The following PID1 variants were observed in gnomAD, a reference collection of about 807,000 sequenced individuals.
PID1 encodes PTB-containing, cubilin and LRP1-interacting protein.
In PID1, 10 loss-of-function variants were observed where a neutral mutation model predicts 19.1. The ratio of observed to expected loss-of-function variants is 0.52; its 90% CI spans 0.32 to 0.89. PID1 has a LOEUF of 0.89. Among genes scored for constraint, PID1 ranks in the 40% least tolerant of loss-of-function variants. PID1 has a pLI of 0.03. For synonymous variants in PID1, 130 were observed against 116.0 expected, an observed-to-expected ratio of 1.12 and a Z score of -0.78; for missense variants, 248 against 285.3, an observed-to-expected ratio of 0.87 and a Z score of 0.94.
chr2:229,086,503 A>C (rs1468852318), intron 2 of PID1, among the ~76,000 whole-genome samples: 1 of 152,210 alleles, frequency 6.6e-6, no homozygotes, highest in Non-Finnish European at 1.5e-5. Context: ...AAGTCAAAAA[A>C]TCATAAGTCA....
In PID1 at chr2:229,043,811, G is replaced by A. The variant is rs570428451; in HGVS notation, c.178-17703C>T. 3.9e-5 allele frequency among the ~76,000 whole-genome samples: 6 copies of A among 152,300 alleles called. No individual in the cohort carries two copies. The South Asian group carries it at 1.2e-3, about 32-fold the overall frequency. On this transcript the variant is annotated intron_variant, in intron 2 of 2. Coordinates refer to ENST00000392055, the MANE Select transcript of PID1 (RefSeq NM_001100818.2). ...AGAGAGCCATGCCTGGCCAGCCATG[G>A]AAGCCATCGGCTTAGGTAAGCAGAA...
intron 2 of PID1, among the ~76,000 whole-genome samples, chr2:229,070,090 T>C (rs116799955): frequency 1.3e-5 from 2 of 152,228 alleles, no homozygotes; most frequent in Admixed American, 1.3e-4. Context: ...CTCAGTTTGA[T>C]AGGATTTGCT....
chr2:229,076,500 C>T (rs997158696), intron 2 of PID1, among the ~76,000 whole-genome samples: 4 of 152,024 alleles, frequency 2.6e-5, no homozygotes, highest in African/African-American at 9.7e-5. Flanking sequence ...CCCATCAACT[C>T]GTCATCTACA....
intron 2 of PID1, among the ~76,000 whole-genome samples, chr2:229,112,182 T>C (rs1475117717): frequency 2.0e-5 from 3 of 152,226 alleles, no homozygotes; most frequent in Admixed American, 2.0e-4. Context: ...TTCACACTGA[T>C]CCACATAAAC....
intron 2 of PID1, among the ~76,000 whole-genome samples, chr2:229,060,713 G>A (rs529901462): frequency 6.6e-6 from 1 of 152,144 alleles, no homozygotes; most frequent in African/African-American, 2.4e-5. Context: ...CATAATAGCT[G>A]TATTAACTTA....
At chr2:229,230,133 C>T (rs766337611) in intron 1 of PID1, among the ~76,000 whole-genome samples, 40 of 152,152 alleles carry the variant, frequency 2.6e-4, no homozygotes, top group Non-Finnish European at 3.5e-4. Context: ...AATGTTTAAC[C>T]TTGGCCTGGG....
chr2:229,197,600 A>G (rs995723026), intron 1 of PID1, among the ~76,000 whole-genome samples: 4 of 152,030 alleles, frequency 2.6e-5, no homozygotes, highest in Non-Finnish European at 4.4e-5. Context: ...CAGCATAATT[A>G]TATTATAGAA....
At chr2:229,260,454 A>T (rs1317226021) in intron 1 of PID1, among the ~76,000 whole-genome samples, 4 of 131,344 alleles carry the variant, frequency 3.0e-5, no homozygotes, top group Non-Finnish European at 4.9e-5. Context: ...AGAATTTTTT[A>T]AAAAGTTGCA....
chr2:229,150,477 A>G (rs574479806), intron 2 of PID1, among the ~76,000 whole-genome samples: 1 of 152,228 alleles, frequency 6.6e-6, no homozygotes, highest in East Asian at 1.9e-4. Flanking sequence ...TCAGTCCCAA[A>G]CAGGAGACCC....
chr2:229,081,366 A>G (rs1271343335), intron 2 of PID1, among the ~76,000 whole-genome samples: 1 of 152,246 alleles, frequency 6.6e-6, no homozygotes, highest in Non-Finnish European at 1.5e-5. Flanking sequence ...ATAATGCAAC[A>G]TAAAATGTAC....
At chr2:229,215,583 G>A (rs759204720) in intron 1 of PID1, among the ~76,000 whole-genome samples, 1 of 152,146 alleles carries the variant, frequency 6.6e-6, no homozygotes, top group Admixed American at 6.5e-5. Context: ...GCACCTGGGC[G>A]TTCCTACACT....
intron 1 of PID1, among the ~76,000 whole-genome samples, chr2:229,169,011 C>T (rs996508736): frequency 6.6e-6 from 1 of 152,098 alleles, no homozygotes; most frequent in Non-Finnish European, 1.5e-5. Context: ...TTTCTTTGTA[C>T]TCCTGAGGCT....
At chr2:229,218,363 A>G (rs2106256110) in intron 1 of PID1, among the ~76,000 whole-genome samples, 1 of 149,624 alleles carries the variant, frequency 6.7e-6, no homozygotes, top group South Asian at 2.1e-4. Flanking sequence ...GACAATCTTC[A>G]CTTGTTTTAC....
chr2:229,041,130 C>T (rs1693762821), intron 2 of PID1, among the ~76,000 whole-genome samples: 1 of 152,162 alleles, frequency 6.6e-6, no homozygotes, highest in Non-Finnish European at 1.5e-5. Flanking sequence ...GTGAGCGTAA[C>T]TAAAGCCCAG....
chr2:229,221,789 AC>A (rs1201561363), intron 1 of PID1, among the ~76,000 whole-genome samples: 1 of 152,166 alleles, frequency 6.6e-6, no homozygotes, highest in Non-Finnish European at 1.5e-5. Context: ...TCAACACGGA[AC>A]CTGGCATGTT....
At position 229,064,075 on chromosome 2, in the gene PID1, T is replaced by C. The variant is rs550002599; in HGVS notation, c.178-37967A>G. Among the ~76,000 whole-genome samples the C allele has an allele frequency of 1.4e-4, 22 of 151,860 alleles. No homozygotes were observed. In the South Asian group the frequency reaches 3.9e-3, roughly 27 times the overall value. ...GTTGAGGCTGGAGAAGAAATATGAG[T>C]GTGTAAGTCACCTAATTGTTCAGCC... is the stretch of plus-strand genomic sequence containing the variant. On this transcript the variant is annotated intron_variant, in intron 2 of 2. Transcript: ENST00000392055.
At chr2:229,163,677 G>GCGCA (rs1308165050) in intron 1 of PID1, among the ~76,000 whole-genome samples, 23 of 48,456 alleles carry the variant, frequency 4.7e-4, no homozygotes, top group Admixed American at 2.0e-3. Context: ...GTGTGTGTGC[G>GCGCA]TGTGCGTGTG....
At chr2:229,262,473 C>G (rs778543972) in intron 1 of PID1, among the ~76,000 whole-genome samples, 8 of 151,980 alleles carry the variant, frequency 5.3e-5, no homozygotes, top group Non-Finnish European at 1.2e-4. Context: ...AGTAGATAAA[C>G]TCACACTCGG....
At chr2:229,258,553 T>A (rs1371395594) in intron 1 of PID1, among the ~76,000 whole-genome samples, 1 of 152,194 alleles carries the variant, frequency 6.6e-6, no homozygotes, top group Non-Finnish European at 1.5e-5. Flanking sequence ...CACATACACA[T>A]TTTTAACAGC....
Sources: allele counts gnomAD v4.1 joint callset (sites outside exome capture counted in the v4.1 genomes callset), GRCh38; gene constraint gnomAD v4.1.1; transcripts MANE v1.5; gene names NCBI Gene and HGNC (gene_info 2026-07-23, HGNC 2026-07-21).